ZSWIM5: variants seen among roughly 807,000 people sequenced by gnomAD.
ZSWIM5 encodes the protein zinc finger SWIM-type containing 5, also known as zinc finger SWIM domain-containing protein 5.
A neutral mutation model predicts 119.6 loss-of-function variants in ZSWIM5; 55 were observed. The ratio of observed to expected loss-of-function variants is 0.46; its 90% CI spans 0.37 to 0.58. ZSWIM5 has a LOEUF of 0.58. Ranked by LOEUF, ZSWIM5 falls within the 20% of genes least tolerant of loss-of-function variation. The pLI is 0.00. For synonymous variants in ZSWIM5, 537 were observed against 606.9 expected, an observed-to-expected ratio of 0.88 and a Z score of 1.69; for missense variants, 1,193 against 1,512.8, an observed-to-expected ratio of 0.79 and a Z score of 3.51.
At chr1:45,148,611 C>T (rs1488898311) in intron 1 of ZSWIM5, among the ~76,000 whole-genome samples, 2 of 152,114 alleles carry the variant, frequency 1.3e-5, no homozygotes, top group Non-Finnish European at 2.9e-5. Flanking sequence ...TGGTTGGGCT[C>T]TACACTTGTC....
At chr1:45,091,415 G>C (rs912415610) in intron 1 of ZSWIM5, among the ~76,000 whole-genome samples, 5 of 151,610 alleles carry the variant, frequency 3.3e-5, no homozygotes, top group Non-Finnish European at 7.4e-5. Flanking sequence ...CCAGCACTGT[G>C]GGGGGCCAAG....
chr1:45,109,199 C>T (rs1192335900), intron 1 of ZSWIM5, among the ~76,000 whole-genome samples: 1 of 152,154 alleles, frequency 6.6e-6, no homozygotes, highest in East Asian at 1.9e-4. Context: ...AACCTGATTC[C>T]ATATAAACAC....
At chr1:45,040,600 C>G (rs902184781) in intron 6 of ZSWIM5, 62 bp from the exon 7 acceptor site, 16 of 1,471,440 alleles carry the variant, frequency 1.1e-5, no homozygotes, top group Non-Finnish European at 1.5e-5. Flanking sequence ...AAATTTATAC[C>G]TGACAAAGAG....
intron 1 of ZSWIM5, among the ~76,000 whole-genome samples, chr1:45,202,413 T>C (rs1221689500): frequency 6.6e-6 from 1 of 152,118 alleles, no homozygotes; most frequent in Non-Finnish European, 1.5e-5. Flanking sequence ...TATAGATAAC[T>C]TCCTGAAATG....
At chr1:45,084,597 G>C (rs1027186951) in intron 2 of ZSWIM5, among the ~76,000 whole-genome samples, 6 of 152,188 alleles carry the variant, frequency 3.9e-5, no homozygotes, top group African/African-American at 1.4e-4. Flanking sequence ...TAGGCATTGG[G>C]TAAATACACC....
At chr1:45,126,155 T>C (rs1019378221) in intron 1 of ZSWIM5, among the ~76,000 whole-genome samples, 8 of 129,706 alleles carry the variant, frequency 6.2e-5, no homozygotes, top group African/African-American at 2.3e-4. Context: ...TCTAGGAAAA[T>C]TGAAATAAAC....
intron 1 of ZSWIM5, among the ~76,000 whole-genome samples, chr1:45,168,536 A>G (rs2149044502): frequency 6.6e-6 from 1 of 151,178 alleles, no homozygotes; most frequent in Admixed American, 6.6e-5. Flanking sequence ...GTGGTGGCGC[A>G]TGCCTGTAAT....
intron 1 of ZSWIM5, among the ~76,000 whole-genome samples, chr1:45,136,691 C>T (rs957337765): frequency 1.3e-5 from 2 of 152,150 alleles, no homozygotes; most frequent in Non-Finnish European, 2.9e-5. Flanking sequence ...AAAATTTACT[C>T]TTCTTATTTG....
chr1:45,167,541 A>G (rs1424758364), intron 1 of ZSWIM5, among the ~76,000 whole-genome samples: 6 of 152,132 alleles, frequency 3.9e-5, no homozygotes, highest in Admixed American at 3.9e-4. Context: ...CAGGCAACCT[A>G]CAGAATGAGA....
At chr1:45,132,720 G>A (rs899775627) in intron 1 of ZSWIM5, among the ~76,000 whole-genome samples, 6 of 151,706 alleles carry the variant, frequency 4.0e-5, no homozygotes, top group South Asian at 2.1e-4. Flanking sequence ...CCATTAACTC[G>A]TCATTTGCAT....
intron 2 of ZSWIM5, chr1:45,070,456 A>G (rs1645215135): frequency 8.6e-7 from 1 of 1,156,544 alleles, no homozygotes; most frequent in Non-Finnish European, 1.2e-6. Flanking sequence ...GCTGTTCTCC[A>G]TAGGAATTTT....
intron 2 of ZSWIM5, among the ~76,000 whole-genome samples, chr1:45,081,238 G>GCTCCCT (rs72132650): frequency 1.3e-3 from 184 of 146,336 alleles, no homozygotes; most frequent in Middle Eastern, 6.9e-3. Context: ...TCTTTATCTA[G>GCTCCCT]CTCCCTCTCC....
rs868110436 is a variant in ZSWIM5, at chr1:45,139,476, T to C, written c.596-51239A>G. Among the ~76,000 whole-genome samples the C allele has an allele frequency of 6.3e-3, 815 of 129,752 alleles. 6 individuals carry two copies. The highest frequency in any genetic ancestry group is 0.022 in the African/African-American group (742 of 34,282). The allele number at this position is 129,752 out of a possible 152,430, so 85.1% of individuals were successfully genotyped here. A position where few individuals can be genotyped will look rare whatever the true frequency, so the allele number is the denominator to read the frequency against. On this transcript the variant is annotated intron_variant, in intron 1 of 13. Transcript: ENST00000359600. ...CCCCTCTCCCTCCCTCTCTCTCTCTTTTTTTTTTTTTTTTGTAGAGACAGT... is the reference window on the plus strand; with the variant it reads ...CCCCTCTCCCTCCCTCTCTCTCTCTCTTTTTTTTTTTTTTGTAGAGACAGT...
At chr1:45,119,177 A>C (rs1352597561) in intron 1 of ZSWIM5, among the ~76,000 whole-genome samples, 1 of 152,186 alleles carries the variant, frequency 6.6e-6, no homozygotes, top group Non-Finnish European at 1.5e-5. Context: ...ATGATTTGAG[A>C]AAATCTTAAT....
At chr1:45,175,935 C>T (rs1017058368) in intron 1 of ZSWIM5, among the ~76,000 whole-genome samples, 1 of 151,810 alleles carries the variant, frequency 6.6e-6, no homozygotes, top group Non-Finnish European at 1.5e-5. Flanking sequence ...TTAAGAACCT[C>T]CCTGCTTTCT....
chr1:45,177,812 A>AT (rs988606515), intron 1 of ZSWIM5, among the ~76,000 whole-genome samples: 2 of 152,104 alleles, frequency 1.3e-5, no homozygotes, highest in Non-Finnish European at 2.9e-5. Context: ...AAATCCCTTA[A>AT]TACAATGCAT....
intron 5 of ZSWIM5, among the ~76,000 whole-genome samples, chr1:45,045,849 C>T (rs1445279420): frequency 1.3e-5 from 2 of 151,792 alleles, no homozygotes; most frequent in African/African-American, 4.8e-5. Flanking sequence ...TCAGATATGT[C>T]GTACAGTTAA....
At chr1:45,080,454 T>C (rs1298798389) in intron 2 of ZSWIM5, among the ~76,000 whole-genome samples, 1 of 152,174 alleles carries the variant, frequency 6.6e-6, no homozygotes, top group Non-Finnish European at 1.5e-5. Context: ...AATTTCTGTT[T>C]TCCCAGTGCA....
chr1:45,101,685 T>C (rs111499477), intron 1 of ZSWIM5, among the ~76,000 whole-genome samples: 7 of 152,250 alleles, frequency 4.6e-5, no homozygotes, highest in African/African-American at 1.4e-4. Flanking sequence ...ATGTGACACA[T>C]ATACACCACG....
Sources: gnomAD v4.1 joint callset for allele counts (sites outside exome capture counted in the v4.1 genomes callset) on GRCh38, gnomAD v4.1.1 for gene constraint, MANE v1.5 for transcripts, NCBI Gene and HGNC (gene_info 2026-07-23, HGNC 2026-07-21) for gene names.